Variants in KDM4C observed in about 807,000 individuals in gnomAD.
The protein encoded by KDM4C is lysine demethylase 4C.
KDM4C carries 81 observed loss-of-function variants against 129.3 expected under a neutral mutation model. That is an observed-to-expected ratio of 0.63 (90% CI 0.52 to 0.75). The LOEUF (loss-of-function observed/expected upper bound fraction) is 0.75, where lower values mean the gene tolerates loss of function less well. Ranked by LOEUF, KDM4C falls within the 30% of genes least tolerant of loss-of-function variation. KDM4C has a pLI of 0.00. For missense variants in KDM4C, 1,457 were observed against 1,304.0 expected, an observed-to-expected ratio of 1.12 and a Z score of -1.81; for synonymous variants, 573 against 456.1, an observed-to-expected ratio of 1.26 and a Z score of -3.26.
At position 6,758,245 on chromosome 9, in the gene KDM4C, G is replaced by C; in HGVS notation, c.-18+42G>C. 1 of 971,826 alleles carries C rather than the reference G, an allele frequency of 1.0e-6. No homozygotes were observed. Among genetic ancestry groups the C allele is most frequent in the Non-Finnish European group, 1.2e-6 (1 of 817,544 alleles). The allele number at this position is 971,826 out of a possible 1,614,324, so 60.2% of individuals were successfully genotyped here. A position where few individuals can be genotyped will look rare whatever the true frequency, so the allele number is the denominator to read the frequency against. ...AGTCTGGGGGCCAGGGCGGGGGGAG[G>C]GTCCGGAGAGGTCTTCCCGGCACTG... On this transcript the variant is annotated intron_variant, in intron 1 of 21. Transcript: ENST00000381309. The surrounding 1 kb of genome is among the most constrained non-coding windows in gnomAD (Gnocchi z 4.6).
chr9:6,735,107 G>A, intron 1 of KDM4C: 1 of 363,478 alleles, frequency 2.8e-6, no homozygotes, highest in South Asian at 2.5e-5. Context: ...TGACTGGGCA[G>A]TGCTAGGGGA....
chr9:7,082,776 A>G (rs1451384947), intron 17 of KDM4C, among the ~76,000 whole-genome samples: 3 of 152,248 alleles, frequency 2.0e-5, no homozygotes, highest in Non-Finnish European at 2.9e-5. Context: ...AATTTTGTCA[A>G]GCATTTGCAG....
chr9:6,723,718 C>G (rs12002863), intron 1 of KDM4C: 1 of 151,760 alleles, frequency 6.6e-6, no homozygotes, highest in African/African-American at 2.4e-5. Context: ...ATGCCTCTAA[C>G]GAAGGAAAGG....
intron 3 of KDM4C, among the ~76,000 whole-genome samples, chr9:6,811,769 C>G (rs547682531): frequency 6.6e-6 from 1 of 152,144 alleles, no homozygotes; most frequent in East Asian, 1.9e-4. Context: ...GGTTTTGTGG[C>G]TTATGAATGG....
intron 17 of KDM4C, among the ~76,000 whole-genome samples, chr9:7,097,968 A>G (rs1836646027): frequency 6.6e-6 from 1 of 152,264 alleles, no homozygotes; most frequent in African/African-American, 2.4e-5. Context: ...GTGTTCTGCT[A>G]CTTGGCTTAA....
At chr9:6,721,612 G>A (rs1340095631) in intron 1 of KDM4C, among the ~76,000 whole-genome samples, 19 of 132,080 alleles carry the variant, frequency 1.4e-4, no homozygotes, top group Non-Finnish European at 2.5e-4. Flanking sequence ...TTCCTGAGAC[G>A]GAGTCTCGCT....
chr9:6,772,537 T>G (rs1822083877), intron 1 of KDM4C, among the ~76,000 whole-genome samples: 1 of 152,132 alleles, frequency 6.6e-6, no homozygotes, highest in Non-Finnish European at 1.5e-5. Context: ...AATTTTGTAT[T>G]TTTAGTAGAG....
At chr9:7,071,734 A>G (rs1354021065) in intron 17 of KDM4C, among the ~76,000 whole-genome samples, 2 of 152,196 alleles carry the variant, frequency 1.3e-5, no homozygotes, top group African/African-American at 4.8e-5. Flanking sequence ...TTAGATAAAT[A>G]GATCAAAATT....
At chr9:6,880,700 A>T (rs934303452) in intron 6 of KDM4C, among the ~76,000 whole-genome samples, 2 of 152,224 alleles carry the variant, frequency 1.3e-5, no homozygotes, top group African/African-American at 4.8e-5. Flanking sequence ...TAGGGCCAGA[A>T]TAAAGAACTT....
chr9:6,834,965 C>G (rs1048660748), intron 4 of KDM4C: 1 of 1,002,212 alleles, frequency 1.0e-6, no homozygotes, highest in African/African-American at 1.6e-5. Flanking sequence ...GGGATATGCC[C>G]TCCCCCACAC....
intron 14 of KDM4C, among the ~76,000 whole-genome samples, chr9:7,014,591 C>T (rs189012288): frequency 6.9e-4 from 105 of 152,152 alleles, no homozygotes; most frequent in Non-Finnish European, 8.4e-4. Flanking sequence ...CATGTAAATC[C>T]TATGAACTAT....
intron 3 of KDM4C, among the ~76,000 whole-genome samples, chr9:6,806,039 T>C (rs1829904400): frequency 1.3e-5 from 2 of 152,222 alleles, no homozygotes; most frequent in African/African-American, 4.8e-5. Flanking sequence ...TTTTCGTTTC[T>C]ACACATGATT....
At chr9:7,070,787 C>A (rs1833088607) in intron 17 of KDM4C, among the ~76,000 whole-genome samples, 1 of 152,150 alleles carries the variant, frequency 6.6e-6, no homozygotes, top group Non-Finnish European at 1.5e-5. Context: ...TTTCCTGTGA[C>A]TGTGAACAAG....
intron 1 of KDM4C, chr9:6,721,114 C>T (rs746112404): frequency 3.1e-6 from 3 of 970,160 alleles, no homozygotes; most frequent in South Asian, 1.6e-5. Context: ...GTCTCTGTTG[C>T]CCAGGCTAGA....
upstream of KDM4C, among the ~76,000 whole-genome samples, chr9:6,752,656 C>T (rs1361548118): frequency 6.6e-6 from 1 of 151,834 alleles, no homozygotes; most frequent in Non-Finnish European, 1.5e-5. Context: ...GAGATCCGTC[C>T]ACCTCGCCTT....
intron 4 of KDM4C, among the ~76,000 whole-genome samples, chr9:6,823,938 C>A (rs556912588): frequency 2.6e-5 from 4 of 152,328 alleles, no homozygotes; most frequent in Non-Finnish European, 4.4e-5. Context: ...CATTTTCACT[C>A]ATACTGATGG....
intron 1 of KDM4C, among the ~76,000 whole-genome samples, chr9:6,735,826 T>C (rs551154668): frequency 6.6e-6 from 1 of 152,278 alleles, no homozygotes; most frequent in Non-Finnish European, 1.5e-5. Context: ...ACTTTGGAAC[T>C]GGGTAACAGG....
chr9:6,849,648 G>T lies in KDM4C; in HGVS notation c.577G>T (p.Asp193Tyr). ...WKTTFAWHTE[D>Y]MDLYSINYLH... ...GACCACGTTTGCATGGCACACCGAA[G>T]ACATGGACCTCTATAGCATTAATTA... Residue 193 changes from aspartate (D) to tyrosine (Y), a missense_variant, in exon 5 of 22, where the codon GAC (aspartate) becomes TAC (tyrosine). Physicochemically the swap from Asp to Tyr is radical, Grantham distance 160. Transcript: ENST00000381309. The T allele has an allele frequency of 6.2e-7, 1 of 1,613,506 alleles. No individual in the cohort carries two copies.
intron 9 of KDM4C, among the ~76,000 whole-genome samples, chr9:6,981,536 T>A (rs1816764222): frequency 6.6e-6 from 1 of 152,242 alleles, no homozygotes; most frequent in Non-Finnish European, 1.5e-5. Flanking sequence ...TACTGCTCTC[T>A]TCTGGATGCT....
Sources: allele counts gnomAD v4.1 joint callset (sites outside exome capture counted in the v4.1 genomes callset), GRCh38; gene constraint gnomAD v4.1.1; non-coding constraint Gnocchi (gnomAD v3.1); transcripts MANE v1.5; gene names NCBI Gene and HGNC (gene_info 2026-07-23, HGNC 2026-07-21).